UGT1A8: variants seen among roughly 807,000 people sequenced by gnomAD.
UGT1A8 encodes UDP glucuronosyltransferase family 1 member A8.
In UGT1A8, 39 loss-of-function variants were observed where a neutral mutation model predicts 45.3. The ratio of observed to expected loss-of-function variants is 0.86; its 90% CI spans 0.67 to 1.12. The LOEUF (loss-of-function observed/expected upper bound fraction) is 1.12, where lower values mean the gene tolerates loss of function less well. UGT1A8 is among the 50% of genes most tolerant of loss of function. The probability of loss-of-function intolerance (pLI) is 0.00; values close to 1 mark genes in which losing one functional copy is unlikely to be tolerated. For synonymous variants in UGT1A8, 275 were observed against 249.2 expected (o/e 1.10, Z -0.97); for missense variants, 719 against 664.9 (o/e 1.08, Z -0.90).
intron 1 of UGT1A8, among the ~76,000 whole-genome samples, chr2:233,718,202 T>C (rs918589370): frequency 1.3e-5 from 2 of 152,242 alleles, no homozygotes; most frequent in African/African-American, 4.8e-5. Context: ...CGGAGCTTTT[T>C]TTTATATTGA....
At chr2:233,727,226 G>A (rs1435452926) in intron 1 of UGT1A8, among the ~76,000 whole-genome samples, 6 of 152,126 alleles carry the variant, frequency 3.9e-5, no homozygotes, top group Non-Finnish European at 8.8e-5. Flanking sequence ...CCACATATGC[G>A]GATGGCTCCA....
intron 1 of UGT1A8, among the ~76,000 whole-genome samples, chr2:233,637,533 A>G (rs1422632403): frequency 1.3e-5 from 2 of 152,240 alleles, no homozygotes; most frequent in Non-Finnish European, 1.5e-5. Context: ...GTACTCATCA[A>G]TTATCAAATT....
intron 1 of UGT1A8, chr2:233,682,660 A>G (rs1394125690): frequency 6.2e-7 from 1 of 1,613,880 alleles, no homozygotes; most frequent in Admixed American, 1.7e-5. Context: ...CTGTCACGGC[A>G]TATGATCTCT....
At chr2:233,725,013 C>T (rs2077345814) in intron 1 of UGT1A8, among the ~76,000 whole-genome samples, 2 of 148,174 alleles carry the variant, frequency 1.3e-5, no homozygotes, top group Admixed American at 1.4e-4. Flanking sequence ...CCCGGCCAAA[C>T]AGCAAAACCC....
chr2:233,719,744 T>C, intron 1 of UGT1A8: 2 of 1,612,994 alleles, frequency 1.2e-6, no homozygotes, highest in South Asian at 1.1e-5. Context: ...TTTTAAAAAA[T>C]GTATTTACTT....
chr2:233,743,667 C>A, intron 1 of UGT1A8: 1 of 1,367,226 alleles, frequency 7.3e-7, no homozygotes, highest in Non-Finnish European at 9.8e-7. Context: ...AAGGGGTCCT[C>A]GAAGGGCCTG....
chr2:233,641,955 G>C (rs1559321144), intron 1 of UGT1A8, among the ~76,000 whole-genome samples: 1 of 152,080 alleles, frequency 6.6e-6, no homozygotes, highest in Non-Finnish European at 1.5e-5. Flanking sequence ...TGACCTTTGG[G>C]AGTTTGATTA....
chr2:233,623,909 A>T (rs1040955414), intron 1 of UGT1A8, among the ~76,000 whole-genome samples: 1 of 152,168 alleles, frequency 6.6e-6, no homozygotes, highest in Non-Finnish European at 1.5e-5. Context: ...CATGCCTCTG[A>T]TGAATCCTTC....
intron 1 of UGT1A8, chr2:233,729,534 C>T (rs1281653425): frequency 6.2e-7 from 1 of 1,614,090 alleles, no homozygotes; most frequent in Non-Finnish European, 8.5e-7. Context: ...ATAATGAGGC[C>T]CTGATCAGGC....
Position 233,722,831 on chromosome 2 carries a change from TAATAAG to T in UGT1A8, c.856-44199_856-44194del, listed in dbSNP as rs774819314. On this transcript the variant is annotated intron_variant, in intron 1 of 4. Coordinates refer to ENST00000373450, the MANE Select transcript of UGT1A8 (RefSeq NM_019076.5). ...TATTTTTTCAAGTTATTTTGTATTA[TAATAAG>T]AATGTTTCTTTTTTTTTTTTTTGAA... Among the ~76,000 whole-genome samples the T allele has an allele frequency of 7.7e-4, 116 of 149,718 alleles. 2 individuals are homozygous for T. The highest frequency in any genetic ancestry group is 2.2e-3 in the Admixed American group (33 of 14,992).
At chr2:233,760,517 A>C in intron 1 of UGT1A8, 1 of 1,614,264 alleles carries the variant, frequency 6.2e-7, no homozygotes, top group Non-Finnish European at 8.5e-7. Context: ...TACACCTTGA[A>C]GACGTACCCT....
chr2:233,640,328 C>A (rs564464359), intron 1 of UGT1A8, among the ~76,000 whole-genome samples: 2 of 151,962 alleles, frequency 1.3e-5, no homozygotes, highest in African/African-American at 4.8e-5. Flanking sequence ...TTTAAAGAAA[C>A]TTTTTGGCTG....
At chr2:233,680,103 G>A (rs1047643443) in intron 1 of UGT1A8, among the ~76,000 whole-genome samples, 5 of 151,792 alleles carry the variant, frequency 3.3e-5, no homozygotes, top group South Asian at 2.1e-4. Flanking sequence ...CAATCATAGC[G>A]GCAGAGCTCA....
At chr2:233,684,966 G>T (rs543778082) in intron 1 of UGT1A8, among the ~76,000 whole-genome samples, 1 of 152,138 alleles carries the variant, frequency 6.6e-6, no homozygotes, top group Non-Finnish European at 1.5e-5. Flanking sequence ...TGAAAAGAAA[G>T]CATTGCTTGA....
chr2:233,640,080 C>T (rs1322189342), intron 1 of UGT1A8, among the ~76,000 whole-genome samples: 1 of 152,184 alleles, frequency 6.6e-6, no homozygotes, highest in African/African-American at 2.4e-5. Context: ...AAGATCTGTG[C>T]TTTCCCCATT....
At chr2:233,742,273 A>C (rs1691925901) in intron 1 of UGT1A8, among the ~76,000 whole-genome samples, 1 of 151,986 alleles carries the variant, frequency 6.6e-6, no homozygotes, top group Non-Finnish European at 1.5e-5. Context: ...AGCCTGTGAT[A>C]AGCATCATTT....
Position 233,618,342 on chromosome 2 carries a change from T to C in UGT1A8, c.635T>C (p.Met212Thr). The C allele has an allele frequency of 1.9e-6, 3 of 1,613,970 alleles. No homozygotes were observed. The highest frequency in any genetic ancestry group is 1.1e-5 in the South Asian group (1 of 91,070). ...AAGGAGAGAGTACGGAACCACATCA[T>C]GCACTTGGAGGAACATTTATTTTGC... ...TFKERVRNHI[M>T]HLEEHLFCQY... Residue 212 changes from methionine to threonine, a missense_variant, in exon 1 of 5, where the codon ATG becomes ACG. Coordinates refer to ENST00000373450, the MANE Select transcript of UGT1A8 (RefSeq NM_019076.5).
intron 1 of UGT1A8, among the ~76,000 whole-genome samples, chr2:233,661,206 G>C (rs975090463): frequency 6.6e-6 from 1 of 151,456 alleles, no homozygotes; most frequent in Non-Finnish European, 1.5e-5. Flanking sequence ...CCAACAGTCT[G>C]GTCTATTTTC....
At chr2:233,687,024 T>A (rs1274235923) in intron 1 of UGT1A8, among the ~76,000 whole-genome samples, 1 of 152,198 alleles carries the variant, frequency 6.6e-6, no homozygotes, top group Non-Finnish European at 1.5e-5. Flanking sequence ...AGGAGGTGGT[T>A]CAATGTAGTG....
Sources: gnomAD v4.1 joint callset for allele counts (sites outside exome capture counted in the v4.1 genomes callset) on GRCh38, gnomAD v4.1.1 for gene constraint, MANE v1.5 for transcripts, NCBI Gene and HGNC (gene_info 2026-07-23, HGNC 2026-07-21) for gene names.